MYO5B: variants seen among roughly 807,000 people sequenced by gnomAD.
MYO5B encodes myosin VB.
A neutral mutation model predicts 229.3 loss-of-function variants in MYO5B; 143 were observed. The ratio of observed to expected loss-of-function variants is 0.62; its 90% CI spans 0.54 to 0.72. The LOEUF (loss-of-function observed/expected upper bound fraction) is 0.72. Ranked by LOEUF, MYO5B falls within the 30% of genes least tolerant of loss-of-function variation. The pLI, the probability that MYO5B is intolerant of heterozygous loss-of-function variation, is 0.00. For missense variants in MYO5B, 2,321 were observed against 2,331.0 expected (o/e 1.00, Z 0.09); for synonymous variants, 918 against 885.2 (o/e 1.04, Z -0.66).
chr18:49,847,267 A>C lies in MYO5B; in HGVS notation c.4338T>G (p.Ser1446Arg). ...TGTTGAGCTCATGGCGCTTCCTCTC[A>C]CTCTGGGCCAATGCCTGGGCAGCTG... ...DLEAAQALAQ[S>R]ERKRHELNRQ... The change falls in exon 33 of 40, where the codon AGT becomes AGG. Residue 1446 changes from serine to arginine, a missense_variant. Ser to Arg is a moderately radical substitution (Grantham distance 110). Around this residue, in one of 2 missense-constraint regions of MYO5B, gnomAD observed 2,113 missense variants for 2,044.7 expected, o/e 1.03. Transcript: ENST00000285039. 1 of 1,613,406 alleles carries C rather than the reference A, an allele frequency of 6.2e-7. No individual in the cohort carries two copies. Among genetic ancestry groups the C allele is most frequent in the Non-Finnish European group, 8.5e-7 (1 of 1,179,956 alleles).
chr18:49,834,577 G>T (rs533049589), intron 39 of MYO5B, among the ~76,000 whole-genome samples: 2 of 152,296 alleles, frequency 1.3e-5, no homozygotes, highest in South Asian at 4.1e-4. Flanking sequence ...CTTAGGAAAA[G>T]ACAGATTTAA....
chr18:49,926,705 G>A (rs1373942428), intron 17 of MYO5B, among the ~76,000 whole-genome samples: 1 of 152,202 alleles, frequency 6.6e-6, no homozygotes. Flanking sequence ...GAGCATGATA[G>A]TTATTTTTTA....
chr18:49,912,386 G>T (rs921927245), intron 17 of MYO5B, among the ~76,000 whole-genome samples: 20 of 152,140 alleles, frequency 1.3e-4, no homozygotes, highest in African/African-American at 4.1e-4. Flanking sequence ...TGGCTGGAGG[G>T]CTGGAAAAAA....
rs926733443 is a variant in MYO5B at position 49,824,279 on chromosome 18, C to T, written c.*2192G>A. The T allele has an allele frequency of 6.6e-6, 1 of 152,286 alleles. No homozygotes were observed. The highest frequency in any genetic ancestry group is 6.5e-5 in the Admixed American group (1 of 15,290). The allele number at this position is 152,286 out of a possible 1,614,324, so 9.4% of individuals were successfully genotyped here. A position where few individuals can be genotyped will look rare whatever the true frequency, so the allele number is the denominator to read the frequency against. ...ACATATAAAGTATATATTTGTTAGT[C>T]ATCTGTAAGTTTTAAGTACAATTCC... On this transcript the variant is annotated 3_prime_UTR_variant, in exon 40 of 40. Transcript: ENST00000285039.
chr18:50,104,167 T>TAAAAAAAA (rs144294604), intron 1 of MYO5B, among the ~76,000 whole-genome samples: 3 of 131,482 alleles, frequency 2.3e-5, no homozygotes, highest in Non-Finnish European at 4.7e-5. Flanking sequence ...ACTTGTCTAT[T>TAAAAAAAA]AAAAAGAAAA....
intron 12 of MYO5B, among the ~76,000 whole-genome samples, chr18:49,958,548 A>G (rs1296222117): frequency 6.6e-6 from 1 of 152,084 alleles, no homozygotes; most frequent in Non-Finnish European, 1.5e-5. Flanking sequence ...TGTCCTTCTC[A>G]TGGAACAAAG....
intron 32 of MYO5B, among the ~76,000 whole-genome samples, chr18:49,847,870 C>T (rs1046415570): frequency 1.2e-4 from 18 of 152,204 alleles, no homozygotes; most frequent in Non-Finnish European, 1.8e-4. Flanking sequence ...AGTAAGGACA[C>T]GTCCTCAGCC....
rs562078523 is a variant in MYO5B at position 50,027,835 on chromosome 18, AG to A, written c.455+9014del. Among the ~76,000 whole-genome samples, 480 of 152,352 alleles carry A rather than the reference AG, an allele frequency of 3.2e-3. 3 individuals carry two copies. Among genetic ancestry groups the A allele is most frequent in the African/African-American group, 0.011 (462 of 41,586 alleles). Reference sequence around the variant, plus strand: ...TAGATGCAAAACTCAGAATTCAAAAAGATAACATTCACAAAATAGCAGAACA... The same window carrying A: ...TAGATGCAAAACTCAGAATTCAAAAAATAACATTCACAAAATAGCAGAACA... On this transcript the variant is annotated intron_variant, in intron 4 of 39. Coordinates refer to ENST00000285039, the MANE Select transcript of MYO5B (RefSeq NM_001080467.3).
chr18:49,854,439 A>G (rs2024236897), intron 30 of MYO5B, among the ~76,000 whole-genome samples: 1 of 152,232 alleles, frequency 6.6e-6, no homozygotes, highest in Admixed American at 6.5e-5. Flanking sequence ...CAAGAGATTA[A>G]TGAAGGCTCA....
At chr18:50,145,122 C>T (rs1240229924) in intron 1 of MYO5B, among the ~76,000 whole-genome samples, 2 of 152,180 alleles carry the variant, frequency 1.3e-5, no homozygotes, top group African/African-American at 4.8e-5. Context: ...GAGGCTACCA[C>T]TCCCACCAAA....
At chr18:50,049,666 CTAGA>C (rs2030339222) in intron 2 of MYO5B, among the ~76,000 whole-genome samples, 1 of 152,188 alleles carries the variant, frequency 6.6e-6, no homozygotes, top group Admixed American at 6.5e-5. Context: ...AAGCATCCCA[CTAGA>C]TGCCAGTAGC....
At chr18:49,888,409 C>G (rs944910513) in intron 22 of MYO5B, among the ~76,000 whole-genome samples, 2 of 152,064 alleles carry the variant, frequency 1.3e-5, no homozygotes, top group Admixed American at 6.6e-5. Flanking sequence ...GAAGGCTTCA[C>G]AAGAGGTGGG....
intron 1 of MYO5B, among the ~76,000 whole-genome samples, chr18:50,110,233 C>T (rs1371798997): frequency 2.0e-5 from 3 of 151,968 alleles, no homozygotes; most frequent in Admixed American, 6.5e-5. Context: ...TCACCTCCCT[C>T]ACCCCATTTC....
At chr18:50,184,942 T>C (rs10163749) in intron 1 of MYO5B, among the ~76,000 whole-genome samples, 12,159 of 150,590 alleles carry the variant, frequency 0.081, 536 homozygotes, top group South Asian at 0.11. Flanking sequence ...CTGGGCATGG[T>C]GTCGCATGCC....
At chr18:50,022,818 C>T (rs1420578373) in intron 4 of MYO5B, among the ~76,000 whole-genome samples, 1 of 152,180 alleles carries the variant, frequency 6.6e-6, no homozygotes, top group East Asian at 1.9e-4. Flanking sequence ...AGTGTCCTCA[C>T]TCCCCACGCA....
chr18:50,061,144 G>C (rs1011546286), intron 1 of MYO5B, among the ~76,000 whole-genome samples: 1 of 152,170 alleles, frequency 6.6e-6, no homozygotes, highest in Non-Finnish European at 1.5e-5. Flanking sequence ...TGAATTATCA[G>C]GCTGTAGCAC....
chr18:49,893,354 T>A (rs982682136), intron 22 of MYO5B, among the ~76,000 whole-genome samples: 2 of 152,226 alleles, frequency 1.3e-5, no homozygotes, highest in African/African-American at 4.8e-5. Flanking sequence ...CTTTCTGGCT[T>A]TGGACCTCAC....
intron 16 of MYO5B, among the ~76,000 whole-genome samples, chr18:49,935,788 G>A (rs1447157501): frequency 1.3e-5 from 2 of 152,208 alleles, no homozygotes; most frequent in Non-Finnish European, 2.9e-5. Flanking sequence ...GAAAAGGGGA[G>A]CAAATGTGGA....
chr18:49,838,388 T>C (rs1293877248), intron 36 of MYO5B, among the ~76,000 whole-genome samples: 1 of 152,186 alleles, frequency 6.6e-6, no homozygotes, highest in Non-Finnish European at 1.5e-5. Context: ...CTTCACATTA[T>C]TCTGAGTATC....
Sources: gnomAD v4.1 joint callset for allele counts (sites outside exome capture counted in the v4.1 genomes callset) on GRCh38, gnomAD v4.1.1 for gene constraint, gnomAD v4.1.1 regional missense constraint, MANE v1.5 for transcripts, NCBI Gene and HGNC (gene_info 2026-07-23, HGNC 2026-07-21) for gene names.